Variants in KAZN observed in about 807,000 individuals in gnomAD.
KAZN encodes kazrin.
In KAZN, 40 loss-of-function variants were observed where a neutral mutation model predicts 87.4. The observed-to-expected ratio is 0.46, with a 90% CI of 0.36 to 0.60. The LOEUF is 0.60. Ranked by LOEUF, KAZN falls within the 20% of genes least tolerant of loss-of-function variation. The pLI is 0.00. For missense variants in KAZN, 898 were observed against 1,073.9 expected (o/e 0.84, Z 2.29); for synonymous variants, 466 against 458.3 (o/e 1.02, Z -0.22).
At position 14,856,676 on chromosome 1, in the gene KAZN, C is replaced by G. The variant is rs1171028435; in HGVS notation, c.227-104008C>G. Among the ~76,000 whole-genome samples the G allele has an allele frequency of 6.6e-6, 1 of 152,206 alleles. No homozygotes were observed. Among genetic ancestry groups the G allele is most frequent in the Non-Finnish European group, 1.5e-5 (1 of 68,034 alleles). Reference sequence around the variant, plus strand: ...TGGGGAATAAATAGGCAATGACCTTCTGCGAAGGAGGAACTTCTACTTTTC... The same window carrying G: ...TGGGGAATAAATAGGCAATGACCTTGTGCGAAGGAGGAACTTCTACTTTTC... On this transcript the variant is annotated intron_variant, in intron 1 of 14. Coordinates refer to ENST00000376030, the MANE Select transcript of KAZN (RefSeq NM_201628.3). This position sits in a 1 kb window ranked among gnomAD's most constrained non-coding sequence, Gnocchi z 5.2.
At chr1:14,033,157 G>T (rs1310376296) in intron 1 of KAZN, among the ~76,000 whole-genome samples, 1 of 152,218 alleles carries the variant, frequency 6.6e-6, no homozygotes. Context: ...CAGCAGACAA[G>T]AATCAAACCC....
intron 2 of KAZN, among the ~76,000 whole-genome samples, chr1:14,551,956 GTC>G (rs988041294): frequency 6.6e-6 from 1 of 152,044 alleles, no homozygotes; most frequent in Admixed American, 6.6e-5. Flanking sequence ...GATCATTAAA[GTC>G]TCTCTCTCTT....
intron 1 of KAZN, among the ~76,000 whole-genome samples, chr1:14,119,099 GACA>G (rs756501431): frequency 3.3e-5 from 5 of 152,132 alleles, no homozygotes; most frequent in Non-Finnish European, 7.3e-5. Flanking sequence ...CTTTTTCAGA[GACA>G]ACACTAGGTA....
At chr1:13,926,702 ATGG>A (rs895020269) in intron 1 of KAZN, among the ~76,000 whole-genome samples, 2 of 152,070 alleles carry the variant, frequency 1.3e-5, no homozygotes, top group African/African-American at 4.8e-5. Flanking sequence ...ACAGCCATAA[ATGG>A]CTGTAAATTT....
At chr1:14,521,137 G>A (rs1262026933) in intron 2 of KAZN, among the ~76,000 whole-genome samples, 1 of 152,178 alleles carries the variant, frequency 6.6e-6, no homozygotes. Flanking sequence ...AGATGCTGAG[G>A]GAGGGGTGCA....
intron 1 of KAZN, among the ~76,000 whole-genome samples, chr1:14,126,930 A>G (rs1239842448): frequency 6.6e-6 from 1 of 152,102 alleles, no homozygotes; most frequent in Non-Finnish European, 1.5e-5. Context: ...ACATGGTGAA[A>G]CCCCGTCTCT....
chr1:14,600,128 C>T (rs1378263404), intron 1 of KAZN, among the ~76,000 whole-genome samples: 2 of 151,898 alleles, frequency 1.3e-5, no homozygotes, highest in East Asian at 3.9e-4. Context: ...GCCTAATTGC[C>T]CTTTAAGAAA....
At chr1:14,935,615 G>C (rs1166994978) in intron 1 of KAZN, among the ~76,000 whole-genome samples, 1 of 152,168 alleles carries the variant, frequency 6.6e-6, no homozygotes, top group Non-Finnish European at 1.5e-5. Flanking sequence ...TAGTCTGAAA[G>C]CAGCCACTGA....
intron 1 of KAZN, among the ~76,000 whole-genome samples, chr1:13,894,198 T>A (rs1303962822): frequency 6.6e-6 from 1 of 152,224 alleles, no homozygotes; most frequent in Non-Finnish European, 1.5e-5. Flanking sequence ...CAGCCCCTGC[T>A]GGAGTAACTT....
At chr1:14,418,593 C>T (rs1437770713) in intron 2 of KAZN, among the ~76,000 whole-genome samples, 1 of 152,166 alleles carries the variant, frequency 6.6e-6, no homozygotes, top group African/African-American at 2.4e-5. Flanking sequence ...ATGAGTTTGC[C>T]TCTAGATAGC....
At chr1:14,912,548 T>G (rs1261376245) in intron 1 of KAZN, among the ~76,000 whole-genome samples, 1 of 152,092 alleles carries the variant, frequency 6.6e-6, no homozygotes, top group Non-Finnish European at 1.5e-5. Context: ...GCCCAGCTAA[T>G]TTTCATATTT....
intron 1 of KAZN, among the ~76,000 whole-genome samples, chr1:14,059,439 GA>G (rs1218438184): frequency 6.6e-6 from 1 of 152,186 alleles, no homozygotes; most frequent in African/African-American, 2.4e-5. Context: ...TCCAGCACAG[GA>G]AAAAGAAAGG....
intron 1 of KAZN, among the ~76,000 whole-genome samples, chr1:14,888,865 A>G (rs1048851730): frequency 1.3e-5 from 2 of 152,144 alleles, no homozygotes; most frequent in Admixed American, 1.3e-4. Context: ...TATCTAGGAC[A>G]TTGCTGGAGT....
chr1:13,901,116 C>T (rs1004628038), intron 1 of KAZN, among the ~76,000 whole-genome samples: 5 of 151,786 alleles, frequency 3.3e-5, no homozygotes, highest in Admixed American at 6.6e-5. Context: ...GGCCAAGAAC[C>T]GACCGGTTAT....
intron 1 of KAZN, among the ~76,000 whole-genome samples, chr1:14,000,626 A>T (rs12564957): frequency 0.14 from 22,038 of 152,128 alleles, 1,694 homozygotes; most frequent in Middle Eastern, 0.22. Flanking sequence ...AAGCATCCCC[A>T]CTGAAAACCA....
intron 1 of KAZN, among the ~76,000 whole-genome samples, chr1:13,981,089 T>TATATATATATATATATATATATATAGA (rs1553181094): frequency 1.6e-5 from 1 of 63,134 alleles, no homozygotes; most frequent in Non-Finnish European, 3.4e-5. Context: ...AAATTACTCT[T>TATATATATATATATATATATATATAGA]TATATATATA....
At chr1:14,973,332 C>G (rs914987874) in intron 2 of KAZN, among the ~76,000 whole-genome samples, 7 of 152,204 alleles carry the variant, frequency 4.6e-5, no homozygotes, top group Non-Finnish European at 1.0e-4. Context: ...CCTAAGGAAA[C>G]TGAACACTCA....
At chr1:14,981,694 A>G (rs141420095) in intron 2 of KAZN, among the ~76,000 whole-genome samples, 3 of 152,336 alleles carry the variant, frequency 2.0e-5, no homozygotes, top group African/African-American at 2.4e-5. Context: ...TAACTCACCT[A>G]TCAGGCACTT....
At chr1:14,190,176 A>G (rs533685398) in intron 2 of KAZN, among the ~76,000 whole-genome samples, 3 of 152,280 alleles carry the variant, frequency 2.0e-5, no homozygotes, top group East Asian at 3.9e-4. Flanking sequence ...CAACAGGTGC[A>G]TGGTTAATTT....
Sources: allele counts gnomAD v4.1 joint callset (sites outside exome capture counted in the v4.1 genomes callset), GRCh38; gene constraint gnomAD v4.1.1; non-coding constraint Gnocchi (gnomAD v3.1); transcripts MANE v1.5; gene names NCBI Gene and HGNC (gene_info 2026-07-23, HGNC 2026-07-21).